The following ZNF263 variants were observed in gnomAD, a reference collection of about 807,000 sequenced individuals.
ZNF263 encodes the protein zinc finger protein FPM315.
ZNF263 carries 49 observed loss-of-function variants against 63.1 expected under a neutral mutation model. The ratio of observed to expected loss-of-function variants is 0.78; its 90% CI spans 0.62 to 0.99. The LOEUF (loss-of-function observed/expected upper bound fraction) is 0.99. ZNF263 is among the 50% of genes least tolerant of loss of function. The pLI, the probability that ZNF263 is intolerant of heterozygous loss-of-function variation, is 0.00. For missense variants in ZNF263, 872 were observed against 854.8 expected (o/e 1.02, Z -0.25); for synonymous variants, 352 against 324.2 (o/e 1.09, Z -0.92).
chr16:3,299,658 G>A (rs1959875250), intron 2 of ZNF263: 3 of 1,556,078 alleles, frequency 1.9e-6, no homozygotes, highest in African/African-American at 1.4e-5. Context: ...TGTTATGGGG[G>A]AAGAACATAC....
At chr16:3,286,838 T>C (rs1959377129) in intron 4 of ZNF263, 1 of 152,208 alleles carries the variant, frequency 6.6e-6, no homozygotes. Flanking sequence ...CTTTTCTGTA[T>C]GTATGAGAAT....
intron 2 of ZNF263, chr16:3,299,173 C>A (rs1336115538): frequency 1.9e-6 from 3 of 1,584,674 alleles, no homozygotes; most frequent in African/African-American, 2.7e-5. Flanking sequence ...CAAACTCTCT[C>A]TTACAGCAGA....
rs1959801762 is a variant in ZNF263 at position 3,297,795 on chromosome 16, A to C, written c.152-1311A>C. ...AGATTCTTGAAGATAATATATGAGA[A>C]AGGAAACACTGAAAGCCAATAAGAG... On this transcript the variant is annotated intron_variant, in intron 1 of 2. Transcript: ENST00000574674. 2.0e-5 allele frequency among the ~76,000 whole-genome samples: 3 copies of C among 152,124 alleles called. No homozygotes were observed. The South Asian group carries it at 6.2e-4, about 32-fold the overall frequency.
intron 1 of ZNF263, among the ~76,000 whole-genome samples, chr16:3,297,456 CTTTTTT>C (rs1168352573): frequency 6.5e-5 from 5 of 76,478 alleles, no homozygotes; most frequent in Admixed American, 1.8e-4. Context: ...GAAACAGATT[CTTTTTT>C]TTTTTTTTTT....
chr16:3,300,049 T>C, intron 2 of ZNF263: 1 of 1,614,222 alleles, frequency 6.2e-7, no homozygotes. Flanking sequence ...CTGAGAATTT[T>C]CTGGCATTGA....
At position 3,288,529 on chromosome 16, in the gene ZNF263, A is replaced by G. The variant is rs763798657; in HGVS notation, c.845A>G (p.Gln282Arg). The change falls in exon 5 of 6, where the codon CAG (glutamine) becomes CGG (arginine). Residue 282 changes from glutamine (Q) to arginine (R), a missense_variant. Coordinates refer to ENST00000219069, the MANE Select transcript of ZNF263 (RefSeq NM_005741.5). ...GGAAAGCTATGGGATCCCAGTGTCCAGAGCTGCAAGGAGGGCCTGAGCCCC... is the reference window on the plus strand; with the variant it reads ...GGAAAGCTATGGGATCCCAGTGTCCGGAGCTGCAAGGAGGGCCTGAGCCCC... ...QGGKLWDPSV[Q>R]SCKEGLSPRG... 1 of 1,612,594 alleles carries G rather than the reference A, an allele frequency of 6.2e-7. No individual in the cohort carries two copies. Among genetic ancestry groups the G allele is most frequent in the African/African-American group, 1.3e-5 (1 of 74,898 alleles).
intron 1 of ZNF263, among the ~76,000 whole-genome samples, chr16:3,298,438 T>TA (rs1268038559): frequency 1.3e-5 from 2 of 152,238 alleles, no homozygotes. Flanking sequence ...TCTGCCTATT[T>TA]AAAAAATATA....
chr16:3,289,270 G>A lies in ZNF263; in HGVS notation c.887-123G>A. The A allele has an allele frequency of 7.9e-6, 8 of 1,011,256 alleles. No homozygotes were observed. The South Asian group carries it at 1.7e-4, about 22-fold the overall frequency. 62.6% of individuals were successfully genotyped at this position (1,011,256 alleles called of 1,614,324 possible). A position where few individuals can be genotyped will look rare whatever the true frequency, so the allele number is the denominator to read the frequency against. On this transcript the variant is annotated intron_variant, in intron 5 of 5. Transcript: ENST00000219069. ...GAGTGCTTTACCTTTAGGAGAGGATGGGATTCTGAGGTAGAAGCAGCCCTT... is the reference window on the plus strand; with the variant it reads ...GAGTGCTTTACCTTTAGGAGAGGATAGGATTCTGAGGTAGAAGCAGCCCTT...
chr16:3,283,573 C>T lies in ZNF263; in HGVS notation c.-246C>T. ...TCTATATAGGGTGAGAAGCGTGGCG[C>T]TCGGTTCCTGCCTCGGGGAAGTCCT... On this transcript the variant is annotated 5_prime_UTR_variant, in exon 1 of 6. Coordinates refer to ENST00000219069, the MANE Select transcript of ZNF263 (RefSeq NM_005741.5). The T allele has an allele frequency of 2.4e-6, 1 of 410,386 alleles. No individual in the cohort carries two copies. Among genetic ancestry groups the T allele is most frequent in the Non-Finnish European group, 4.1e-6 (1 of 246,144 alleles). The allele number at this position is 410,386 out of a possible 1,614,324, so 25.4% of individuals were successfully genotyped here. A position where few individuals can be genotyped will look rare whatever the true frequency, so the allele number is the denominator to read the frequency against.
chr16:3,292,927 A>G (rs1050457457), downstream of ZNF263: 2 of 152,232 alleles, frequency 1.3e-5, no homozygotes, highest in Non-Finnish European at 2.9e-5. Context: ...CTGTCGACAG[A>G]TGATCCAAAA....
Position 3,288,462 on chromosome 16 carries a change from A to G in ZNF263, c.778A>G (p.Ile260Val). 1 of 1,611,152 alleles carries G rather than the reference A, an allele frequency of 6.2e-7. No homozygotes were observed. The highest frequency in any genetic ancestry group is 1.3e-5 in the African/African-American group (1 of 74,956). ...YENVDSLESH[I>V]PSQEVPGTQV... ...TCTTTCATTGTGAACAGAGTCTCAC[A>G]TTCCCAGTCAGGAGGTCCCAGGCAC... The change falls in exon 5 of 6, where the codon ATT becomes GTT. Residue 260 changes from isoleucine to valine, a missense_variant. Ile to Val is a conservative substitution (Grantham distance 29, BLOSUM62 3). Coordinates refer to ENST00000219069, the MANE Select transcript of ZNF263 (RefSeq NM_005741.5).
downstream of ZNF263, among the ~76,000 whole-genome samples, chr16:3,295,527 C>G (rs1226846669): frequency 7.3e-6 from 1 of 136,240 alleles, no homozygotes; most frequent in Non-Finnish European, 1.6e-5. Flanking sequence ...ACTCCCCCGT[C>G]GGCCCTCGCG....
In ZNF263 at chr16:3,285,216, A is replaced by T; in HGVS notation, c.545A>T (p.Asp182Val). ...QELLGPSPQR[D>V]PQAVKERALS... ...CTGCTAGGCCCCAGCCCCCAAAGGGACCCCCAGGCTGTAAAGGAGAGGGGT... is the reference window on the plus strand; with the variant it reads ...CTGCTAGGCCCCAGCCCCCAAAGGGTCCCCCAGGCTGTAAAGGAGAGGGGT... Residue 182 changes from aspartate (D) to valine (V), a missense_variant, in exon 2 of 6, where the codon GAC becomes GTC. By Grantham distance (152) the Asp-to-Val change is radical (BLOSUM62 -3). Coordinates refer to ENST00000219069, the MANE Select transcript of ZNF263 (RefSeq NM_005741.5). 2 of 1,613,004 alleles carry T rather than the reference A, an allele frequency of 1.2e-6. No individual in the cohort carries two copies. Among genetic ancestry groups the T allele is most frequent in the Non-Finnish European group, 1.7e-6 (2 of 1,179,774 alleles).
In ZNF263 at chr16:3,299,677, C is replaced by T. The variant is rs776667996; in HGVS notation, c.*46+521C>T. ...ATGGGGGAAGAACATACATTTTATT[C>T]GACCATCCTCACTGGTTAGGGATTC... On this transcript the variant is annotated intron_variant, in intron 2 of 2. Transcript: ENST00000574674. 17 of 1,544,022 alleles carry T rather than the reference C, an allele frequency of 1.1e-5. No homozygotes were observed. Among genetic ancestry groups the T allele is most frequent in the Non-Finnish European group, 1.2e-5 (14 of 1,152,198 alleles).
At chr16:3,300,354 C>G (rs2150779684) in intron 2 of ZNF263, 1 of 1,614,228 alleles carries the variant, frequency 6.2e-7, no homozygotes, top group South Asian at 1.1e-5. Context: ...TCTGTTGGTA[C>G]CACATGTAGA....
rs910896249 is a variant in ZNF263 at position 3,290,348 on chromosome 16, T to C, written c.1842T>C (p.His614=). ...KCTLCGENFS[H]RSNLIRHQRI... The stretch of plus-strand genomic sequence containing the variant: ...CCCTTTGTGGGGAAAACTTCTCTCA[T>C]AGATCCAATTTAATCAGGCACCAGA... Residue 614 remains histidine (H), a synonymous_variant, in exon 6 of 6, where the codon CAT becomes CAC. Coordinates refer to ENST00000219069, the MANE Select transcript of ZNF263 (RefSeq NM_005741.5). The C allele has an allele frequency of 4.3e-6, 7 of 1,612,184 alleles. No individual in the cohort carries two copies. Among genetic ancestry groups the C allele is most frequent in the Non-Finnish European group, 5.9e-6 (7 of 1,179,456 alleles).
rs1166947275 is a variant in ZNF263, at chr16:3,283,852, G to T, written c.34G>T (p.Gly12Trp). ...ASGPGSQERE[G>W]LLIVKLEEDC... ...GGGCCCGGGCTCCCAGGAACGGGAA[G>T]GGCTCCTGATAGTGAAGCTGGAGGA... Residue 12 changes from glycine to tryptophan, a missense_variant, in exon 1 of 6, where the codon GGG (glycine) becomes TGG (tryptophan). Transcript: ENST00000219069. The T allele has an allele frequency of 6.3e-7, 1 of 1,590,954 alleles. No homozygotes were observed.
rs1959471094 is a variant in ZNF263, at chr16:3,288,563, A to G, written c.879A>G (p.Pro293=). The change falls in exon 5 of 6, where the codon CCA becomes CCG. Residue 293 remains proline, a synonymous_variant. Coordinates refer to ENST00000219069, the MANE Select transcript of ZNF263 (RefSeq NM_005741.5). ...SCKEGLSPRG[P]APGEEKFENL... ...AGGAGGGCCTGAGCCCCAGAGGCCC[A>G]GCTCCAGGTAAGGAATGAAGACAAG... 1 of 1,608,446 alleles carries G rather than the reference A, an allele frequency of 6.2e-7. No individual in the cohort carries two copies. The highest frequency in any genetic ancestry group is 8.5e-7 in the Non-Finnish European group (1 of 1,177,172).
At chr16:3,287,624 T>G (rs1216891668) in intron 4 of ZNF263, among the ~76,000 whole-genome samples, 1 of 152,060 alleles carries the variant, frequency 6.6e-6, no homozygotes, top group Non-Finnish European at 1.5e-5. Flanking sequence ...TTGTTGGAAT[T>G]AAACTTCTGT....
Sources: allele counts gnomAD v4.1 joint callset (sites outside exome capture counted in the v4.1 genomes callset), GRCh38; gene constraint gnomAD v4.1.1; transcripts MANE v1.5; gene names NCBI Gene and HGNC (gene_info 2026-07-23, HGNC 2026-07-21).